VAV3: variants seen among roughly 807,000 people sequenced by gnomAD.
The protein encoded by VAV3 is guanine nucleotide exchange factor VAV3.
VAV3 carries 94 observed loss-of-function variants against 131.2 expected under a neutral mutation model. That is an observed-to-expected ratio of 0.72 (90% confidence interval 0.61 to 0.85). The LOEUF is 0.85. Ranked by LOEUF, VAV3 falls within the 40% of genes least tolerant of loss-of-function variation. The pLI, the probability that VAV3 is intolerant of heterozygous loss-of-function variation, is 0.00. For missense variants in VAV3, 939 were observed against 1,002.7 expected (o/e 0.94, Z 0.86); for synonymous variants, 349 against 342.0 (o/e 1.02, Z -0.22).
At chr1:107,716,294 A>T (rs1661084572) in intron 15 of VAV3, among the ~76,000 whole-genome samples, 1 of 152,234 alleles carries the variant, frequency 6.6e-6, no homozygotes, top group Non-Finnish European at 1.5e-5. Flanking sequence ...CACTATAAAC[A>T]TTATTGTGAC....
intron 2 of VAV3, among the ~76,000 whole-genome samples, chr1:107,816,062 A>T (rs1160330614): frequency 6.6e-6 from 1 of 152,192 alleles, no homozygotes; most frequent in Non-Finnish European, 1.5e-5. Context: ...GAGCTCAGGC[A>T]GTAATGCTCG....
At chr1:107,732,170 T>C (rs1662284827) in intron 15 of VAV3, among the ~76,000 whole-genome samples, 1 of 152,248 alleles carries the variant, frequency 6.6e-6, no homozygotes, top group Admixed American at 6.5e-5. Context: ...ATCTGTTTCA[T>C]ATACCTTGCA....
chr1:107,916,582 G>T (rs533465500), intron 1 of VAV3, among the ~76,000 whole-genome samples: 1 of 152,004 alleles, frequency 6.6e-6, no homozygotes, highest in Non-Finnish European at 1.5e-5. Context: ...TTTGTACAGG[G>T]AAAAAATTTT....
chr1:107,640,132 T>C (rs1655232834), intron 20 of VAV3, among the ~76,000 whole-genome samples: 1 of 152,016 alleles, frequency 6.6e-6, no homozygotes. Context: ...CTAAGAAAAA[T>C]AAAAGCATTA....
intron 2 of VAV3, among the ~76,000 whole-genome samples, chr1:107,803,853 A>T (rs1030556375): frequency 1.5e-4 from 23 of 152,064 alleles, no homozygotes; most frequent in African/African-American, 2.4e-5. Flanking sequence ...GGAGTGTTAA[A>T]GTCCATGACT....
chr1:107,689,114 C>T (rs1659240758), intron 17 of VAV3, among the ~76,000 whole-genome samples: 1 of 152,122 alleles, frequency 6.6e-6, no homozygotes, highest in Admixed American at 6.6e-5. Context: ...AAGGATCGTT[C>T]TGGGGATAAG....
intron 2 of VAV3, among the ~76,000 whole-genome samples, chr1:107,785,257 G>C (rs1451289833): frequency 5.9e-5 from 9 of 152,126 alleles, no homozygotes; most frequent in African/African-American, 2.2e-4. Flanking sequence ...AGTTAAGAAA[G>C]GCACAGCCAC....
intron 2 of VAV3, among the ~76,000 whole-genome samples, chr1:107,865,191 G>C (rs905941207): frequency 6.6e-6 from 1 of 152,180 alleles, no homozygotes; most frequent in African/African-American, 2.4e-5. Context: ...AAAGTCTCAG[G>C]ATGAGCTGAA....
intron 9 of VAV3, among the ~76,000 whole-genome samples, chr1:107,764,612 C>T (rs1664634158): frequency 1.3e-5 from 2 of 152,176 alleles, no homozygotes; most frequent in African/African-American, 2.4e-5. Flanking sequence ...TTCAAACTCT[C>T]GGGCTCAAGT....
At chr1:107,882,260 G>C (rs1219747509) in intron 1 of VAV3, among the ~76,000 whole-genome samples, 1 of 152,140 alleles carries the variant, frequency 6.6e-6, no homozygotes, top group Non-Finnish European at 1.5e-5. Flanking sequence ...GGACCACCCA[G>C]AGCCAACCTG....
chr1:107,754,123 T>G (rs1381589873), intron 12 of VAV3, among the ~76,000 whole-genome samples: 3 of 152,142 alleles, frequency 2.0e-5, no homozygotes, highest in African/African-American at 7.2e-5. Context: ...TACGGGCAGT[T>G]ATTAGCTGGA....
At chr1:107,886,957 T>C (rs1333943963) in intron 1 of VAV3, among the ~76,000 whole-genome samples, 1 of 146,064 alleles carries the variant, frequency 6.8e-6, no homozygotes, top group East Asian at 1.9e-4. Flanking sequence ...TTAACAAATG[T>C]TCTACCAATT....
intron 15 of VAV3, among the ~76,000 whole-genome samples, chr1:107,708,305 G>C (rs1308036909): frequency 1.3e-5 from 2 of 152,194 alleles, no homozygotes; most frequent in Non-Finnish European, 2.9e-5. Flanking sequence ...GATGAGTGCT[G>C]AGTGTCAAAC....
chr1:107,821,633 G>T (rs943142895), intron 2 of VAV3, among the ~76,000 whole-genome samples: 6 of 152,208 alleles, frequency 3.9e-5, no homozygotes, highest in African/African-American at 1.4e-4. Flanking sequence ...ATGGAAGACA[G>T]AGGAGGTTGG....
intron 19 of VAV3, among the ~76,000 whole-genome samples, chr1:107,675,164 T>C (rs1008968797): frequency 8.5e-5 from 13 of 152,182 alleles, no homozygotes; most frequent in African/African-American, 3.1e-4. Flanking sequence ...AGATAACACA[T>C]GTGTGTCGTT....
intron 2 of VAV3, among the ~76,000 whole-genome samples, chr1:107,848,480 C>T (rs1021819269): frequency 6.6e-6 from 1 of 152,088 alleles, no homozygotes; most frequent in African/African-American, 2.4e-5. Flanking sequence ...AAACAACCAA[C>T]CACATGATTA....
intron 15 of VAV3, among the ~76,000 whole-genome samples, chr1:107,725,444 G>A (rs891976003): frequency 6.6e-6 from 1 of 152,096 alleles, no homozygotes; most frequent in African/African-American, 2.4e-5. Flanking sequence ...ACTGTGGAAC[G>A]TCTACACAAT....
intron 1 of VAV3, among the ~76,000 whole-genome samples, chr1:107,901,055 T>C (rs1671835812): frequency 6.6e-6 from 1 of 152,196 alleles, no homozygotes; most frequent in South Asian, 2.1e-4. Flanking sequence ...TTACTAAAGA[T>C]TACTGGACTG....
chr1:107,956,553 A>G (rs1674826382), intron 1 of VAV3, among the ~76,000 whole-genome samples: 1 of 152,210 alleles, frequency 6.6e-6, no homozygotes, highest in Non-Finnish European at 1.5e-5. Context: ...ATTCCTCTAT[A>G]TACACATTAG....
Sources: gnomAD v4.1 joint callset for allele counts (sites outside exome capture counted in the v4.1 genomes callset) on GRCh38, gnomAD v4.1.1 for gene constraint, MANE v1.5 for transcripts, NCBI Gene and HGNC (gene_info 2026-07-23, HGNC 2026-07-21) for gene names.